LPP: variants seen among roughly 807,000 people sequenced by gnomAD.
The protein encoded by LPP is LIM domain containing preferred translocation partner in lipoma.
A neutral mutation model predicts 60.4 loss-of-function variants in LPP; 38 were observed. The observed-to-expected ratio is 0.63, with a 90% CI of 0.49 to 0.83. The LOEUF is 0.83. LPP is among the 40% of genes least tolerant of loss of function. LPP has a pLI of 0.00. For missense variants in LPP, 902 were observed against 783.6 expected, an observed-to-expected ratio of 1.15 and a Z score of -1.80; for synonymous variants, 328 against 290.8, an observed-to-expected ratio of 1.13 and a Z score of -1.30.
intron 6 of LPP, among the ~76,000 whole-genome samples, chr3:188,539,704 G>A (rs1339955718): frequency 6.6e-6 from 1 of 152,160 alleles, no homozygotes; most frequent in Non-Finnish European, 1.5e-5. Flanking sequence ...ATAAGTGTGT[G>A]TTTAATGTGA....
chr3:188,883,426 A>G lies in LPP; in HGVS notation c.*8947A>G, dbSNP rs927253769. On this transcript the variant is annotated 3_prime_UTR_variant, in exon 12 of 12. Coordinates refer to ENST00000617246, the MANE Select transcript of LPP (RefSeq NM_001375462.1). ...ACCCCTTTTATCTGACTTGTTGATA[A>G]TGACCTTAAAAATGTTAGGAAATGG... 2 of 202,272 alleles carry G rather than the reference A, an allele frequency of 9.9e-6. No homozygotes were observed. Among genetic ancestry groups the G allele is most frequent in the Non-Finnish European group, 2.0e-5 (2 of 98,308 alleles). The allele number at this position is 202,272 out of a possible 1,614,324, so 12.5% of individuals were successfully genotyped here. A position where few individuals can be genotyped will look rare whatever the true frequency, so the allele number is the denominator to read the frequency against.
At chr3:188,677,005 G>T (rs1343274654) in intron 7 of LPP, among the ~76,000 whole-genome samples, 1 of 147,486 alleles carries the variant, frequency 6.8e-6, no homozygotes, top group East Asian at 1.9e-4. Flanking sequence ...GCACCTAGTA[G>T]CTGACAAGAA....
In LPP at chr3:188,217,596, A is replaced by C. The variant is rs140718247; in HGVS notation, c.-189-7809A>C. ...GGTGGTAACTTTGACTAGGGCATAG[A>C]AGTTGGGCAGGAGAGGTAAGTTTGG... On this transcript the variant is annotated intron_variant, in intron 1 of 11. Transcript: ENST00000617246. This position sits in a 1 kb window ranked among gnomAD's most constrained non-coding sequence, Gnocchi z 4.0. Among the ~76,000 whole-genome samples the C allele has an allele frequency of 6.6e-6, 1 of 152,204 alleles. No homozygotes were observed. The highest frequency in any genetic ancestry group is 1.9e-4 in the East Asian group (1 of 5,182).
chr3:188,731,516 T>TTTTTTG (rs1553817761), intron 8 of LPP, among the ~76,000 whole-genome samples: 1 of 145,700 alleles, frequency 6.9e-6, no homozygotes, highest in African/African-American at 2.6e-5. Context: ...TTTTTTGTTT[T>TTTTTTG]TTTTGTTTTG....
intron 2 of LPP, among the ~76,000 whole-genome samples, chr3:188,260,290 G>T (rs895236927): frequency 1.3e-5 from 2 of 152,094 alleles, no homozygotes; most frequent in African/African-American, 4.8e-5. Flanking sequence ...TGATCCGCCT[G>T]CCTTGGCCTC....
chr3:188,445,170 A>C (rs964942908), intron 4 of LPP, among the ~76,000 whole-genome samples: 1 of 152,216 alleles, frequency 6.6e-6, no homozygotes, highest in Non-Finnish European at 1.5e-5. Flanking sequence ...TCATTCCACT[A>C]TAAAGACACA....
At chr3:188,622,256 C>T (rs1439981904) in intron 7 of LPP, among the ~76,000 whole-genome samples, 1 of 152,100 alleles carries the variant, frequency 6.6e-6, no homozygotes, top group Admixed American at 6.5e-5. Flanking sequence ...CCTCACTTTC[C>T]TCTTTCTCCC....
At chr3:188,687,844 G>A (rs537276923) in intron 7 of LPP, among the ~76,000 whole-genome samples, 5 of 146,862 alleles carry the variant, frequency 3.4e-5, no homozygotes, top group African/African-American at 1.3e-4. Flanking sequence ...GCACGATCTC[G>A]GCTCACTGCA....
At chr3:188,549,524 T>C (rs1316654468) in intron 6 of LPP, among the ~76,000 whole-genome samples, 3 of 152,168 alleles carry the variant, frequency 2.0e-5, no homozygotes, top group Non-Finnish European at 4.4e-5. Flanking sequence ...ATTTTATAGG[T>C]CTTTGTTAGT....
chr3:188,857,197 C>G lies in LPP; in HGVS notation c.1411-9003C>G, dbSNP rs931205355. On this transcript the variant is annotated intron_variant, in intron 9 of 11. Transcript: ENST00000617246. Reference sequence around the variant, plus strand: ...TAGTATGTGAGGTGAGACAGTTGGACAAGATGATTCGGGGAATTTTTCAAG... The same window carrying G: ...TAGTATGTGAGGTGAGACAGTTGGAGAAGATGATTCGGGGAATTTTTCAAG... 2.6e-5 allele frequency among the ~76,000 whole-genome samples: 4 copies of G among 152,270 alleles called. No homozygotes were observed. The East Asian group carries it at 5.8e-4, about 22-fold the overall frequency.
intron 4 of LPP, among the ~76,000 whole-genome samples, chr3:188,407,251 T>G (rs1307747220): frequency 2.0e-5 from 3 of 152,250 alleles, no homozygotes. Flanking sequence ...CATTAATGTT[T>G]GTTTTGTCAA....
intron 6 of LPP, among the ~76,000 whole-genome samples, chr3:188,551,134 A>C (rs1471038951): frequency 6.6e-6 from 1 of 152,178 alleles, no homozygotes; most frequent in African/African-American, 2.4e-5. Flanking sequence ...GACTGGGAAG[A>C]AAAGGATATT....
chr3:188,291,645 C>T lies in LPP; in HGVS notation c.-66-50018C>T, dbSNP rs74757585. On this transcript the variant is annotated intron_variant, in intron 2 of 11. Transcript: ENST00000617246. ...TGGGCGACAGAGCGAGACTCTGTCTCAAAAAAAAAAAAAAAAAAAGAGAAA... is the reference window on the plus strand; with the variant it reads ...TGGGCGACAGAGCGAGACTCTGTCTTAAAAAAAAAAAAAAAAAAAGAGAAA... 2.2e-3 allele frequency among the ~76,000 whole-genome samples: 214 copies of T among 96,740 alleles called. 4 individuals are homozygous for T. In the East Asian group the frequency reaches 0.061, roughly 28 times the overall value. The allele number at this position is 96,740 out of a possible 152,430, so 63.5% of individuals were successfully genotyped here. A position where few individuals can be genotyped will look rare whatever the true frequency, so the allele number is the denominator to read the frequency against.
intron 2 of LPP, among the ~76,000 whole-genome samples, chr3:188,332,109 G>A (rs753571536): frequency 9.3e-5 from 14 of 151,322 alleles, no homozygotes; most frequent in South Asian, 2.1e-4. Context: ...ATTTTATAAC[G>A]TATATACTCT....
intron 7 of LPP, among the ~76,000 whole-genome samples, chr3:188,675,897 T>C (rs2149309904): frequency 6.6e-6 from 1 of 152,278 alleles, no homozygotes; most frequent in Non-Finnish European, 1.5e-5. Flanking sequence ...ATTTTTAGTG[T>C]TTTCTTGTAC....
chr3:188,267,948 C>T (rs1736175812), intron 2 of LPP, among the ~76,000 whole-genome samples: 1 of 151,254 alleles, frequency 6.6e-6, no homozygotes, highest in Non-Finnish European at 1.5e-5. Flanking sequence ...TGCTGTGGCT[C>T]TGGGACTATA....
intron 6 of LPP, among the ~76,000 whole-genome samples, chr3:188,596,357 A>C (rs541585755): frequency 6.6e-6 from 1 of 152,106 alleles, no homozygotes; most frequent in Non-Finnish European, 1.5e-5. Flanking sequence ...ATTTGTTCCT[A>C]ATAGTCACTC....
At chr3:188,680,832 C>T (rs1436739410) in intron 7 of LPP, among the ~76,000 whole-genome samples, 1 of 152,104 alleles carries the variant, frequency 6.6e-6, no homozygotes, top group Non-Finnish European at 1.5e-5. Context: ...GGGAAAGTCT[C>T]ATTATGAAAC....
chr3:188,326,904 A>G (rs905610647), intron 2 of LPP, among the ~76,000 whole-genome samples: 5 of 151,952 alleles, frequency 3.3e-5, no homozygotes, highest in African/African-American at 1.2e-4. Flanking sequence ...TTTTTCCTCA[A>G]TCTCAATTCT....
Sources: gnomAD v4.1 joint callset for allele counts (sites outside exome capture counted in the v4.1 genomes callset) on GRCh38, gnomAD v4.1.1 for gene constraint, Gnocchi (gnomAD v3.1) non-coding constraint, MANE v1.5 for transcripts, NCBI Gene and HGNC (gene_info 2026-07-23, HGNC 2026-07-21) for gene names.